Variants in DNAH17 observed in about 807,000 individuals in gnomAD.
The protein encoded by DNAH17 is axonemal beta dynein heavy chain 17.
Under a neutral mutation model 485.6 loss-of-function variants are expected in DNAH17, and 376 were observed. The observed-to-expected ratio is 0.77, with a 90% CI of 0.71 to 0.84. DNAH17 has a LOEUF of 0.84. DNAH17 is among the 40% of genes least tolerant of loss of function. The probability of loss-of-function intolerance (pLI) is 0.00; values close to 1 mark genes in which losing one functional copy is unlikely to be tolerated. For synonymous variants in DNAH17, 3,031 were observed against 2,405.9 expected (o/e 1.26, Z -7.60); for missense variants, 6,370 against 5,839.3 (o/e 1.09, Z -2.96).
Position 78,475,834 on chromosome 17 carries a change from CTAGAAA to C in DNAH17, c.8155-7_8155-2del. The stretch of plus-strand genomic sequence containing the variant: ...CAAATAAGAGTTCATCACCAAGATC[CTAGAAA>C]AAGAAAAAAAAAGACGATACTTCCG... On this transcript the variant is annotated splice_acceptor_variant and splice_polypyrimidine_tract_variant and intron_variant, in intron 52 of 80. Coordinates refer to ENST00000389840, the MANE Select transcript of DNAH17 (RefSeq NM_173628.4). LOFTEE classifies it high-confidence loss of function. The C allele has an allele frequency of 6.2e-7, 1 of 1,603,886 alleles. No homozygotes were observed. The highest frequency in any genetic ancestry group is 8.5e-7 in the Non-Finnish European group (1 of 1,177,098).
intron 25 of DNAH17, among the ~76,000 whole-genome samples, chr17:78,516,389 T>C (rs902854821): frequency 5.3e-5 from 8 of 152,118 alleles, no homozygotes; most frequent in Non-Finnish European, 1.0e-4. Context: ...ATGCCACTCA[T>C]GTAAAAGAAA....
chr17:78,470,367 C>T lies in DNAH17; in HGVS notation c.8512-1484G>A, dbSNP rs530282792. Among the ~76,000 whole-genome samples the T allele has an allele frequency of 7.9e-4, 119 of 149,686 alleles. 1 individual carries two copies. The highest frequency in any genetic ancestry group is 2.6e-3 in the African/African-American group (107 of 40,956). On this transcript the variant is annotated intron_variant, in intron 54 of 80. Transcript: ENST00000389840. Reference sequence around the variant, plus strand: ...ACAGGCATGAGCCACCGTGCCCAGCCGAAAATGTCTATTTGTCTTAGAAAA... The same window carrying T: ...ACAGGCATGAGCCACCGTGCCCAGCTGAAAATGTCTATTTGTCTTAGAAAA...
intron 22 of DNAH17, among the ~76,000 whole-genome samples, chr17:78,527,375 G>C (rs954498180): frequency 6.6e-6 from 1 of 152,122 alleles, no homozygotes; most frequent in Non-Finnish European, 1.5e-5. Flanking sequence ...GACAGAGTGG[G>C]ACCCTGTCTC....
Position 78,455,868 on chromosome 17 carries a change from T to A in DNAH17, c.9978-32A>T, listed in dbSNP as rs572248628. ...TGGGATGAGAGAGAATAAAACATAT[T>A]TGCACAAGTGAGGGGACTGGACCAG... On this transcript the variant is annotated intron_variant, in intron 62 of 80. Transcript: ENST00000389840. 39 of 1,538,400 alleles carry A rather than the reference T, an allele frequency of 2.5e-5. No individual in the cohort carries two copies. In the South Asian group the frequency reaches 3.9e-4, roughly 15 times the overall value.
chr17:78,570,086 G>A (rs1448713934), intron 7 of DNAH17, among the ~76,000 whole-genome samples, 161 bp downstream of exon 7: 1 of 152,172 alleles, frequency 6.6e-6, no homozygotes. Flanking sequence ...AGGTAGCCTT[G>A]AAGAGGGCTC....
chr17:78,465,347 G>A (rs7218474), intron 56 of DNAH17, among the ~76,000 whole-genome samples: 203 of 151,610 alleles, frequency 1.3e-3, no homozygotes, highest in Admixed American at 2.0e-3. Context: ...CTGCCCGGCC[G>A]CCACCCCGTC....
Position 78,499,003 on chromosome 17 carries a change from T to C in DNAH17, c.5745+5A>G. Reference sequence around the variant, plus strand: ...GACCCCGAGGCCGCAGGCAGGGGACTTTACCTGCACGGCAATCACAGACAA... The same window carrying C: ...GACCCCGAGGCCGCAGGCAGGGGACCTTACCTGCACGGCAATCACAGACAA... On this transcript the variant is annotated splice_donor_5th_base_variant and intron_variant, in intron 37 of 80. Coordinates refer to ENST00000389840, the MANE Select transcript of DNAH17 (RefSeq NM_173628.4). The C allele has an allele frequency of 6.2e-7, 1 of 1,604,140 alleles. No individual in the cohort carries two copies. The highest frequency in any genetic ancestry group is 8.5e-7 in the Non-Finnish European group (1 of 1,175,424).
chr17:78,445,537 G>A (rs375797913), intron 70 of DNAH17, 21 bp downstream of exon 70: 41 of 1,558,694 alleles, frequency 2.6e-5, no homozygotes, highest in Non-Finnish European at 3.5e-5. Context: ...AGCACAACGT[G>A]TTCAACGTCT....
In DNAH17 at chr17:78,532,627, T is replaced by C. The variant is rs2091271352; in HGVS notation, c.2969A>G (p.Tyr990Cys). 1 of 1,603,042 alleles carries C rather than the reference T, an allele frequency of 6.2e-7. No homozygotes were observed. Among genetic ancestry groups the C allele is most frequent in the African/African-American group, 1.3e-5 (1 of 74,822 alleles). Residue 990 changes from tyrosine to cysteine, a missense_variant, in exon 20 of 81, where the codon TAC becomes TGC. Coordinates refer to ENST00000389840, the MANE Select transcript of DNAH17 (RefSeq NM_173628.4). The part of the protein sequence containing the change: ...AEEYQDSFER[Y>C]SYLWTDNLQE... ...CAGGTTGTCCGTCCAGAGGTAGGAGTACCTCTCAAAGGAATCCTGGTACTC... is the reference window on the plus strand; with the variant it reads ...CAGGTTGTCCGTCCAGAGGTAGGAGCACCTCTCAAAGGAATCCTGGTACTC...
chr17:78,548,437 C>G (rs1196990110), intron 16 of DNAH17, among the ~76,000 whole-genome samples: 1 of 152,102 alleles, frequency 6.6e-6, no homozygotes, highest in Non-Finnish European at 1.5e-5. Flanking sequence ...ATCTCCTGAC[C>G]TCGTGATCCA....
chr17:78,557,991 G>C (rs1248486518), intron 14 of DNAH17, 117 bp downstream of exon 14: 2 of 1,253,148 alleles, frequency 1.6e-6, no homozygotes, highest in Non-Finnish European at 2.2e-6. Flanking sequence ...GAATGAATTT[G>C]AGTGAATGGG....
At chr17:78,548,196 C>A (rs1271777590) in intron 16 of DNAH17, among the ~76,000 whole-genome samples, 1 of 107,650 alleles carries the variant, frequency 9.3e-6, no homozygotes, top group Non-Finnish European at 1.9e-5. Flanking sequence ...TCGTAGATGT[C>A]ATGGCCTTTT....
intron 65 of DNAH17, among the ~76,000 whole-genome samples, chr17:78,453,133 G>A (rs1046573577): frequency 1.2e-4 from 19 of 152,200 alleles, no homozygotes; most frequent in African/African-American, 3.4e-4. Context: ...AAATGTTGGC[G>A]GAGATATTCC....
intron 48 of DNAH17, among the ~76,000 whole-genome samples, chr17:78,481,279 A>T (rs961472793): frequency 6.8e-6 from 1 of 148,032 alleles, no homozygotes; most frequent in Non-Finnish European, 1.5e-5. Flanking sequence ...ATTTTTTTGT[A>T]CTTTTAGTAG....
chr17:78,476,891 C>T (rs898501807), intron 51 of DNAH17, among the ~76,000 whole-genome samples, 158 bp from the exon 52 acceptor site: 11 of 152,136 alleles, frequency 7.2e-5, no homozygotes, highest in African/African-American at 2.7e-4. Context: ...AGCCACTCAT[C>T]ACGGAGGTCC....
intron 14 of DNAH17, among the ~76,000 whole-genome samples, chr17:78,556,410 A>G (rs554090022): frequency 2.6e-5 from 4 of 152,324 alleles, no homozygotes; most frequent in Non-Finnish European, 4.4e-5. Flanking sequence ...CTCCAGCAGA[A>G]TGAAACAGAT....
At chr17:78,427,473 C>T (rs1056089105) in intron 77 of DNAH17, among the ~76,000 whole-genome samples, 5 of 152,186 alleles carry the variant, frequency 3.3e-5, no homozygotes, top group African/African-American at 1.2e-4. Context: ...CTGTAGGGAC[C>T]ATGCTGGTCA....
At chr17:78,538,889 G>C (rs1052870677) in intron 18 of DNAH17, among the ~76,000 whole-genome samples, 1 of 152,152 alleles carries the variant, frequency 6.6e-6, no homozygotes, top group African/African-American at 2.4e-5. Flanking sequence ...GGGAGCCTTT[G>C]ATCTTGGCCT....
chr17:78,450,515 G>A lies in DNAH17; in HGVS notation c.10900-121C>T. 3.4e-6 allele frequency: 5 copies of A among 1,459,152 alleles called. No individual in the cohort carries two copies. The South Asian group carries it at 5.2e-5, about 15-fold the overall frequency. 90.4% of individuals were successfully genotyped at this position (1,459,152 alleles called of 1,614,324 possible). ...AGCCACCCAAGGGCTCTCAGCAGCA[G>A]CTGGGTGCAGGATGGGAGCCCAGAC... On this transcript the variant is annotated intron_variant, in intron 67 of 80. Coordinates refer to ENST00000389840, the MANE Select transcript of DNAH17 (RefSeq NM_173628.4).
Sources: allele counts gnomAD v4.1 joint callset (sites outside exome capture counted in the v4.1 genomes callset), GRCh38; gene constraint gnomAD v4.1.1; transcripts MANE v1.5; gene names NCBI Gene and HGNC (gene_info 2026-07-23, HGNC 2026-07-21).